The following N4BP2 variants were observed in gnomAD, a reference collection of about 807,000 sequenced individuals.
N4BP2 encodes the protein NEDD4-binding protein 2.
A neutral mutation model predicts 152.8 loss-of-function variants in N4BP2; 91 were observed. The ratio of observed to expected loss-of-function variants is 0.60; its 90% CI spans 0.50 to 0.71. The LOEUF (loss-of-function observed/expected upper bound fraction) is 0.71. Ranked by LOEUF, N4BP2 falls within the 30% of genes least tolerant of loss-of-function variation. The pLI is 0.00. For missense variants in N4BP2, 1,923 were observed against 2,059.1 expected, an observed-to-expected ratio of 0.93 and a Z score of 1.28; for synonymous variants, 646 against 705.3, an observed-to-expected ratio of 0.92 and a Z score of 1.33.
chr4:40,139,792 A>T (rs538160569), intron 14 of N4BP2, among the ~76,000 whole-genome samples: 50 of 123,050 alleles, frequency 4.1e-4, no homozygotes, highest in African/African-American at 1.2e-3. Flanking sequence ...CGCCAGGCCT[A>T]GCATTAGGCT....
In N4BP2 at chr4:40,152,950, T is replaced by C. The variant is rs1233110249; in HGVS notation, c.5267+47T>C. 4 of 1,586,728 alleles carry C rather than the reference T, an allele frequency of 2.5e-6. No homozygotes were observed. In the South Asian group the frequency reaches 4.5e-5, roughly 18 times the overall value. The stretch of plus-strand genomic sequence containing the variant: ...TAATAATGGCAACTGCCCATATAGA[T>C]CTTTATCAGATATTTCTGTGAGTAT... On this transcript the variant is annotated intron_variant, in intron 17 of 17. Transcript: ENST00000261435.
the N4BP2 span, among the ~76,000 whole-genome samples, chr4:40,168,693 A>G: frequency 6.6e-6 from 1 of 151,940 alleles, no homozygotes; most frequent in Non-Finnish European, 1.5e-5. Flanking sequence ...AGAATTATAC[A>G]TTCTTCAGAG....
chr4:40,113,771 A>G (rs1377265939), intron 7 of N4BP2, among the ~76,000 whole-genome samples: 1 of 152,076 alleles, frequency 6.6e-6, no homozygotes, highest in Non-Finnish European at 1.5e-5. Context: ...ATTTATTTAA[A>G]TATAGAGACA....
At chr4:40,130,078 CTG>C (rs1718782366) in intron 12 of N4BP2, among the ~76,000 whole-genome samples, 2 of 152,030 alleles carry the variant, frequency 1.3e-5, no homozygotes, top group African/African-American at 4.8e-5. Context: ...CTGGGTTTCA[CTG>C]TGTTGCCCAT....
At chr4:40,057,923 C>T (rs1467130498) in intron 1 of N4BP2, among the ~76,000 whole-genome samples, 1 of 152,170 alleles carries the variant, frequency 6.6e-6, no homozygotes, top group Non-Finnish European at 1.5e-5. Flanking sequence ...TACACATTCT[C>T]GCCATGCAGT....
chr4:40,181,755 C>T, the N4BP2 span, among the ~76,000 whole-genome samples: 5 of 152,328 alleles, frequency 3.3e-5, no homozygotes, highest in South Asian at 1.0e-3. Context: ...CAAGACCAGC[C>T]TGGCCAACAT....
chr4:40,100,195 A>T, intron 3 of N4BP2: 1 of 428,702 alleles, frequency 2.3e-6, no homozygotes, highest in Non-Finnish European at 4.7e-6. Flanking sequence ...ACTTGTTGAA[A>T]GTGTCATAGC....
intron 3 of N4BP2, among the ~76,000 whole-genome samples, chr4:40,100,335 C>T (rs1408407327): frequency 6.6e-6 from 1 of 150,932 alleles, no homozygotes; most frequent in Non-Finnish European, 1.5e-5. Flanking sequence ...CCCCTCCCTC[C>T]AAACTTCAGA....
At chr4:40,138,733 G>A (rs1271645811) in intron 14 of N4BP2, among the ~76,000 whole-genome samples, 1 of 152,156 alleles carries the variant, frequency 6.6e-6, no homozygotes, top group African/African-American at 2.4e-5. Context: ...ATTTATTGCT[G>A]GACTCCTAAT....
At chr4:40,105,849 C>T (rs1239342511) in intron 4 of N4BP2, among the ~76,000 whole-genome samples, 1 of 152,086 alleles carries the variant, frequency 6.6e-6, no homozygotes, top group Admixed American at 6.6e-5. Flanking sequence ...CCATACCCAG[C>T]CTAGTTAGAA....
chr4:40,113,529 A>C (rs1229969133), intron 7 of N4BP2, 21 bp downstream of exon 7: 5 of 1,562,560 alleles, frequency 3.2e-6, no homozygotes, highest in Non-Finnish European at 4.4e-6. Flanking sequence ...GAGGCTACCT[A>C]ACATGCTTTT....
rs1721620098 is a variant in N4BP2 at position 40,156,642 on chromosome 4, T to C, written c.*2405T>C. Reference sequence around the variant, plus strand: ...TAGTTTGGGGATTTTAAAAGTTTTCTCTATTACCCATTTCTAAATCCTGTA... The same window carrying C: ...TAGTTTGGGGATTTTAAAAGTTTTCCCTATTACCCATTTCTAAATCCTGTA... On this transcript the variant is annotated 3_prime_UTR_variant, in exon 18 of 18. Coordinates refer to ENST00000261435, the MANE Select transcript of N4BP2 (RefSeq NM_018177.6). 1 of 152,140 alleles carries C rather than the reference T, an allele frequency of 6.6e-6. No homozygotes were observed. The highest frequency in any genetic ancestry group is 2.1e-4 in the South Asian group (1 of 4,824). 9.4% of individuals were successfully genotyped at this position (152,140 alleles called of 1,614,324 possible).
Position 40,097,369 on chromosome 4 carries a change from G to T in N4BP2, c.29G>T (p.Gly10Val). MPRRRKNLG[G>V]NPFRKTANPK... The stretch of plus-strand genomic sequence containing the variant: ...CCAAGGAGAAGGAAAAATCTTGGGG[G>T]AAATCCTTTTCGGAAGACTGCAAAC... Residue 10 changes from glycine (G) to valine (V), a missense_variant, in exon 3 of 18, where the codon GGA (glycine) becomes GTA (valine). Transcript: ENST00000261435. 6.2e-7 allele frequency: 1 copy of T among 1,613,866 alleles called. No homozygotes were observed.
At chr4:40,166,169 T>G in the N4BP2 span, among the ~76,000 whole-genome samples, 18 of 152,310 alleles carry the variant, frequency 1.2e-4, no homozygotes, top group Admixed American at 3.9e-4. Flanking sequence ...AATCTTTTTC[T>G]TTGTTAGTAG....
chr4:40,120,419 CA>C lies in N4BP2; in HGVS notation c.2314del (p.Ser772AlafsTer56), dbSNP rs756021587. 6.2e-7 allele frequency: 1 copy of C among 1,613,636 alleles called. No individual in the cohort carries two copies. The highest frequency in any genetic ancestry group is 1.1e-5 in the South Asian group (1 of 91,076). On this transcript the variant is annotated frameshift_variant, in exon 9 of 18. Transcript: ENST00000261435. LOFTEE classifies it high-confidence loss of function. ...ATVTKKAFGK[Q>X]KSKSTLEKFP... ...AGTAACGAAAAAAGCCTTTGGGAAACAAAAAAGCAAATCGACTTTGGAAAAG... is the reference window on the plus strand; with the variant it reads ...AGTAACGAAAAAAGCCTTTGGGAAACAAAAAGCAAATCGACTTTGGAAAAG...
At position 40,120,301 on chromosome 4, in the gene N4BP2, T is replaced by C. The variant is rs769314888; in HGVS notation, c.2190T>C (p.Ser730=). ...MERVSPSTCC[S]ENNQEDCDLA... ...GAGTATCACCTAGTACTTGCTGTAG[T>C]GAAAATAATCAAGAAGACTGTGATC... Residue 730 remains serine (S), a synonymous_variant, in exon 9 of 18, where the codon AGT becomes AGC. Transcript: ENST00000261435. 1 of 1,612,598 alleles carries C rather than the reference T, an allele frequency of 6.2e-7. No homozygotes were observed. The highest frequency in any genetic ancestry group is 8.5e-7 in the Non-Finnish European group (1 of 1,179,618).
intron 2 of N4BP2, among the ~76,000 whole-genome samples, chr4:40,079,865 T>C (rs1189652464): frequency 6.6e-6 from 1 of 152,160 alleles, no homozygotes; most frequent in Non-Finnish European, 1.5e-5. Flanking sequence ...ATTATGATGA[T>C]AATCAGTGAG....
chr4:40,083,558 G>A (rs527854828), intron 2 of N4BP2, among the ~76,000 whole-genome samples: 2 of 152,286 alleles, frequency 1.3e-5, no homozygotes, highest in South Asian at 4.1e-4. Flanking sequence ...AACATGCCAA[G>A]CGAAAGGAGC....
At chr4:40,173,332 TG>T in the N4BP2 span, among the ~76,000 whole-genome samples, 1 of 152,190 alleles carries the variant, frequency 6.6e-6, no homozygotes, top group African/African-American at 2.4e-5. Context: ...AAATAGTTTT[TG>T]CTTGAATGTA....
Sources: allele counts gnomAD v4.1 joint callset (sites outside exome capture counted in the v4.1 genomes callset), GRCh38; gene constraint gnomAD v4.1.1; transcripts MANE v1.5; gene names NCBI Gene and HGNC (gene_info 2026-07-23, HGNC 2026-07-21).